Variants in FOXP1 observed in about 807,000 individuals in gnomAD.
FOXP1 encodes forkhead box protein P1.
A neutral mutation model predicts 98.2 loss-of-function variants in FOXP1; 15 were observed. The observed-to-expected ratio is 0.15, with a 90% CI of 0.10 to 0.24. The LOEUF is 0.24. Ranked by LOEUF, FOXP1 falls within the 10% of genes least tolerant of loss-of-function variation. The pLI is 1.00. For missense variants in FOXP1, 633 were observed against 848.5 expected (o/e 0.75, Z 3.15); for synonymous variants, 371 against 314.5 (o/e 1.18, Z -1.90).
chr3:70,996,230 C>T (rs759872721), intron 13 of FOXP1, among the ~76,000 whole-genome samples: 27 of 152,072 alleles, frequency 1.8e-4, no homozygotes, highest in Non-Finnish European at 3.2e-4. Context: ...GTGATCTGCC[C>T]GCCTCAGCCT....
intron 2 of FOXP1, chr3:71,581,335 G>A (rs2048149680): frequency 1.0e-6 from 1 of 985,300 alleles, no homozygotes; most frequent in African/African-American, 1.7e-5. Context: ...CAGATTTTCA[G>A]ATTTAGGAAA....
chr3:71,405,772 A>C (rs1225611061), intron 3 of FOXP1, among the ~76,000 whole-genome samples: 3 of 151,874 alleles, frequency 2.0e-5, no homozygotes, highest in Non-Finnish European at 4.4e-5. Context: ...CTTGTCACCC[A>C]GGCTGGAGTG....
chr3:71,009,407 G>A (rs1374871331), intron 12 of FOXP1, among the ~76,000 whole-genome samples: 1 of 152,106 alleles, frequency 6.6e-6, no homozygotes, highest in African/African-American at 2.4e-5. Flanking sequence ...GCAGAGCTAA[G>A]TCGAGTTGCT....
intron 5 of FOXP1, among the ~76,000 whole-genome samples, chr3:71,287,187 T>A (rs1035254098): frequency 2.6e-5 from 4 of 152,104 alleles, no homozygotes; most frequent in Non-Finnish European, 5.9e-5. Context: ...ATATAAGAAA[T>A]AGCCAGGCAA....
At chr3:71,388,539 T>C (rs1039820811) in intron 3 of FOXP1, among the ~76,000 whole-genome samples, 3 of 152,192 alleles carry the variant, frequency 2.0e-5, no homozygotes, top group African/African-American at 4.8e-5. Context: ...AAGATACACA[T>C]TGTAACACCG....
At chr3:71,380,039 G>A (rs1297915517) in intron 3 of FOXP1, among the ~76,000 whole-genome samples, 2 of 152,148 alleles carry the variant, frequency 1.3e-5, no homozygotes, top group Admixed American at 6.5e-5. Flanking sequence ...GATCAACATC[G>A]TGGAAAATAC....
intron 6 of FOXP1, among the ~76,000 whole-genome samples, chr3:71,185,161 C>G (rs2062571037): frequency 6.6e-6 from 1 of 151,876 alleles, no homozygotes; most frequent in African/African-American, 2.4e-5. Context: ...CCATTGCACT[C>G]TAGACTGGAT....
chr3:71,435,968 A>AAAGGAGGG (rs143101027), intron 3 of FOXP1, among the ~76,000 whole-genome samples: 40,389 of 70,962 alleles, frequency 0.57, 15,029 homozygotes, highest in Non-Finnish European at 0.77. Flanking sequence ...AGGGAGGAAA[A>AAAGGAGGG]AAGGAGGGAA....
intron 11 of FOXP1, among the ~76,000 whole-genome samples, chr3:71,031,011 T>C (rs2046797233): frequency 6.6e-6 from 1 of 152,228 alleles, no homozygotes; most frequent in Non-Finnish European, 1.5e-5. Flanking sequence ...TCTATGGTCA[T>C]GATTTCGGTG....
intron 3 of FOXP1, among the ~76,000 whole-genome samples, chr3:71,451,005 A>C (rs923521374): frequency 1.3e-5 from 2 of 152,234 alleles, no homozygotes; most frequent in African/African-American, 4.8e-5. Context: ...TCTGCAATTC[A>C]ATCAAAATCA....
chr3:71,555,969 TAAAC>T (rs1023581041), intron 2 of FOXP1, among the ~76,000 whole-genome samples: 3 of 151,710 alleles, frequency 2.0e-5, no homozygotes, highest in African/African-American at 7.3e-5. Context: ...GAAAAAAAAT[TAAAC>T]AATTATAAGA....
chr3:71,522,486 A>G (rs919607651), intron 2 of FOXP1, among the ~76,000 whole-genome samples: 2 of 152,314 alleles, frequency 1.3e-5, no homozygotes, highest in Middle Eastern at 3.4e-3. Flanking sequence ...TGAATTAGCT[A>G]TGTGACCTAA....
intron 13 of FOXP1, among the ~76,000 whole-genome samples, chr3:70,988,568 C>A (rs972217034): frequency 6.6e-6 from 1 of 152,246 alleles, no homozygotes; most frequent in Non-Finnish European, 1.5e-5. Context: ...CAGGAGCAGG[C>A]TCCAAGGGAT....
intron 7 of FOXP1, among the ~76,000 whole-genome samples, chr3:71,106,087 G>A (rs1053943626): frequency 6.6e-6 from 1 of 152,130 alleles, no homozygotes; most frequent in Non-Finnish European, 1.5e-5. Flanking sequence ...TTTGTGCTGT[G>A]TAGCAAGTCA....
At chr3:70,992,793 A>AT (rs1305012397) in intron 13 of FOXP1, among the ~76,000 whole-genome samples, 1 of 152,198 alleles carries the variant, frequency 6.6e-6, no homozygotes, top group Non-Finnish European at 1.5e-5. Context: ...ATTATGAAAA[A>AT]TAAGTGTCGT....
rs2032532258 is a variant in FOXP1 at position 70,958,962 on chromosome 3, A to G, written c.*285T>C. On this transcript the variant is annotated 3_prime_UTR_variant, in exon 21 of 21. Transcript: ENST00000649528. ...TGAATCAGTTTAGCAAATTTACAAC[A>G]CTGATGTTGACGGTTAAGAGAGGAA... 1 of 442,134 alleles carries G rather than the reference A, an allele frequency of 2.3e-6. No individual in the cohort carries two copies. Among genetic ancestry groups the G allele is most frequent in the African/African-American group, 2.0e-5 (1 of 50,930 alleles). The allele number at this position is 442,134 out of a possible 1,614,324, so 27.4% of individuals were successfully genotyped here.
intron 17 of FOXP1, among the ~76,000 whole-genome samples, chr3:70,975,525 C>T (rs8179901): frequency 0.41 from 63,001 of 152,134 alleles, 16,928 homozygotes; most frequent in African/African-American, 0.77. Context: ...ATTTTTCTGT[C>T]TTTTGCTTTG....
chr3:70,967,986 GATGA>G (rs1320809033), intron 19 of FOXP1, among the ~76,000 whole-genome samples: 2 of 152,124 alleles, frequency 1.3e-5, no homozygotes, highest in African/African-American at 2.4e-5. Flanking sequence ...TGTTCATTGG[GATGA>G]GTTTGTCATC....
At chr3:71,249,500 G>A (rs947948569) in intron 5 of FOXP1, among the ~76,000 whole-genome samples, 12 of 152,192 alleles carry the variant, frequency 7.9e-5, no homozygotes, top group African/African-American at 2.9e-4. Context: ...AGGAGACTGA[G>A]GCTCAGAGAG....
Sources: gnomAD v4.1 joint callset for allele counts (sites outside exome capture counted in the v4.1 genomes callset) on GRCh38, gnomAD v4.1.1 for gene constraint, MANE v1.5 for transcripts, NCBI Gene and HGNC (gene_info 2026-07-23, HGNC 2026-07-21) for gene names.